Variants in PTPRM observed in about 807,000 individuals in gnomAD.
The protein encoded by PTPRM is protein tyrosine phosphatase receptor type M.
In PTPRM, 47 loss-of-function variants were observed where a neutral mutation model predicts 186.7. That is an observed-to-expected ratio of 0.25 (90% CI 0.20 to 0.32). PTPRM has a LOEUF of 0.32. Among genes scored for constraint, PTPRM ranks in the 10% least tolerant of loss-of-function variants. The probability of loss-of-function intolerance (pLI) is 1.00; values close to 1 mark genes in which losing one functional copy is unlikely to be tolerated. For synonymous variants in PTPRM, 668 were observed against 674.9 expected (o/e 0.99, Z 0.16); for missense variants, 1,494 against 1,865.0 (o/e 0.80, Z 3.66).
intron 19 of PTPRM, among the ~76,000 whole-genome samples, chr18:8,292,969 T>C (rs538279496): frequency 6.6e-6 from 1 of 152,314 alleles, no homozygotes; most frequent in East Asian, 1.9e-4. Context: ...CAGAAAACAC[T>C]GACTTCGGAT....
intron 2 of PTPRM, among the ~76,000 whole-genome samples, chr18:7,795,904 C>T (rs1387063430): frequency 6.8e-6 from 1 of 147,294 alleles, no homozygotes; most frequent in Non-Finnish European, 1.5e-5. Context: ...ACCTTGAATT[C>T]CTGGCCTCAA....
In PTPRM at chr18:8,224,524, T is replaced by C. The variant is rs2094190571; in HGVS notation, c.2301-19534T>C. On this transcript the variant is annotated intron_variant, in intron 14 of 32. Transcript: ENST00000580170. ...GACTTGGAAAAACCAGATTGCCCAT[T>C]TGAAAGCTGGTTCTGACTCAGCTTG... is the stretch of plus-strand genomic sequence containing the variant. 2.0e-5 allele frequency among the ~76,000 whole-genome samples: 3 copies of C among 152,324 alleles called. No individual in the cohort carries two copies. The South Asian group carries it at 6.2e-4, about 32-fold the overall frequency.
chr18:7,937,746 C>G (rs2051914395), intron 5 of PTPRM, among the ~76,000 whole-genome samples: 1 of 152,242 alleles, frequency 6.6e-6, no homozygotes. Context: ...TTACTGTCAT[C>G]ACCTAAAAGT....
At chr18:8,085,997 C>A in intron 10 of PTPRM, 125 bp downstream of exon 10, 1 of 893,494 alleles carries the variant, frequency 1.1e-6, no homozygotes, top group South Asian at 1.5e-5. Flanking sequence ...CTCCTGGATG[C>A]CTGAAGCTCA....
At chr18:7,817,146 T>C (rs1416396147) in intron 2 of PTPRM, among the ~76,000 whole-genome samples, 1 of 152,078 alleles carries the variant, frequency 6.6e-6, no homozygotes, top group Non-Finnish European at 1.5e-5. Context: ...GGCTAATTTT[T>C]GTATTTTTAC....
chr18:7,694,899 G>GA, intron 1 of PTPRM, among the ~76,000 whole-genome samples: 1 of 152,096 alleles, frequency 6.6e-6, no homozygotes, highest in South Asian at 2.1e-4. Context: ...GAAAGAAACA[G>GA]AAACAAAGCT....
At chr18:7,733,121 A>G (rs1231086199) in intron 1 of PTPRM, among the ~76,000 whole-genome samples, 4 of 152,158 alleles carry the variant, frequency 2.6e-5, no homozygotes, top group African/African-American at 9.7e-5. Context: ...CCGAATGTGC[A>G]GGTTTGTTAC....
At chr18:8,317,309 A>G (rs1039806296) in intron 21 of PTPRM, among the ~76,000 whole-genome samples, 19 of 152,106 alleles carry the variant, frequency 1.2e-4, no homozygotes, top group African/African-American at 4.3e-4. Flanking sequence ...AGAGGGGTCA[A>G]GGATGCTGAG....
chr18:8,136,123 C>A (rs28646008), intron 13 of PTPRM, among the ~76,000 whole-genome samples: 22,937 of 152,150 alleles, frequency 0.15, 1,847 homozygotes, highest in African/African-American at 0.17. Flanking sequence ...TAGTTTCAAG[C>A]AAATGGTTGG....
At chr18:7,694,058 T>G (rs2039791014) in intron 1 of PTPRM, among the ~76,000 whole-genome samples, 1 of 152,196 alleles carries the variant, frequency 6.6e-6, no homozygotes, top group South Asian at 2.1e-4. Context: ...CTTTCTGCCA[T>G]GCCAGTGAAG....
intron 14 of PTPRM, among the ~76,000 whole-genome samples, chr18:8,232,259 T>G (rs963158597): frequency 2.0e-5 from 3 of 152,254 alleles, no homozygotes; most frequent in African/African-American, 7.2e-5. Flanking sequence ...CGTTTAAGTT[T>G]CCTCCATGCC....
chr18:8,405,825 G>A (rs551072291), intron 32 of PTPRM, among the ~76,000 whole-genome samples: 3 of 152,282 alleles, frequency 2.0e-5, no homozygotes, highest in Non-Finnish European at 2.9e-5. Flanking sequence ...TGATATCCTG[G>A]AAAATACATG....
At chr18:8,187,596 C>T (rs936887040) in intron 14 of PTPRM, among the ~76,000 whole-genome samples, 4 of 152,148 alleles carry the variant, frequency 2.6e-5, no homozygotes, top group Admixed American at 2.0e-4. Flanking sequence ...GTGGACAGCA[C>T]GGAGGCCAGT....
At chr18:7,613,632 C>T (rs2037732763) in intron 1 of PTPRM, among the ~76,000 whole-genome samples, 1 of 151,434 alleles carries the variant, frequency 6.6e-6, no homozygotes, top group Non-Finnish European at 1.5e-5. Flanking sequence ...AAGATTATGC[C>T]ACTGCACTAC....
intron 16 of PTPRM, 59 bp downstream of exon 16, chr18:8,247,978 G>C: frequency 6.9e-7 from 1 of 1,446,764 alleles, no homozygotes; most frequent in Non-Finnish European, 9.7e-7. Context: ...GAATCACTCC[G>C]CCCTCTCTCT....
chr18:8,179,491 G>C (rs575226747), intron 14 of PTPRM, among the ~76,000 whole-genome samples: 1 of 128,130 alleles, frequency 7.8e-6, no homozygotes, highest in African/African-American at 3.0e-5. Flanking sequence ...TTTTTTTTTA[G>C]ATGGCGCCTT....
At chr18:8,215,440 G>T (rs745965354) in intron 14 of PTPRM, among the ~76,000 whole-genome samples, 1 of 150,762 alleles carries the variant, frequency 6.6e-6, no homozygotes, top group African/African-American at 2.4e-5. Context: ...ATAGACAATT[G>T]TTCAGAGTCA....
At chr18:8,287,329 C>T (rs1007915945) in intron 19 of PTPRM, among the ~76,000 whole-genome samples, 2 of 152,184 alleles carry the variant, frequency 1.3e-5, no homozygotes, top group African/African-American at 4.8e-5. Flanking sequence ...GCACTGGCTG[C>T]ATGCTGGGTG....
chr18:7,976,542 T>A (rs2054955933), intron 7 of PTPRM, among the ~76,000 whole-genome samples: 1 of 152,154 alleles, frequency 6.6e-6, no homozygotes, highest in African/African-American at 2.4e-5. Context: ...TTGTGGGGAA[T>A]CTTCATATGC....
Sources: gnomAD v4.1 joint callset for allele counts (sites outside exome capture counted in the v4.1 genomes callset) on GRCh38, gnomAD v4.1.1 for gene constraint, MANE v1.5 for transcripts, NCBI Gene and HGNC (gene_info 2026-07-23, HGNC 2026-07-21) for gene names.